PTBP2: variants seen among roughly 807,000 people sequenced by gnomAD.
PTBP2 encodes the protein polypyrimidine tract binding protein 2, also known as polypyrimidine tract-binding protein 2.
A neutral mutation model predicts 61.4 loss-of-function variants in PTBP2; 13 were observed. The ratio of observed to expected loss-of-function variants is 0.21; its 90% CI spans 0.14 to 0.34. The LOEUF (loss-of-function observed/expected upper bound fraction) is 0.34, where lower values mean the gene tolerates loss of function less well. PTBP2 is among the 10% of genes least tolerant of loss of function. The pLI is 1.00. For missense variants in PTBP2, 405 were observed against 642.6 expected, an observed-to-expected ratio of 0.63 and a Z score of 4.00; for synonymous variants, 215 against 218.5, an observed-to-expected ratio of 0.98 and a Z score of 0.14.
At chr1:96,786,891 G>C (rs1234579408) in intron 8 of PTBP2, among the ~76,000 whole-genome samples, 2 of 152,244 alleles carry the variant, frequency 1.3e-5, no homozygotes, top group East Asian at 3.9e-4. Flanking sequence ...TGCCCATCTG[G>C]ATATACTTAG....
chr1:96,765,935 G>T (rs936066438), intron 3 of PTBP2, among the ~76,000 whole-genome samples: 2 of 152,168 alleles, frequency 1.3e-5, no homozygotes, highest in Non-Finnish European at 2.9e-5. Flanking sequence ...TGCTATTAGA[G>T]AAATTCAGTG....
At chr1:96,767,825 T>G (rs1412331446) in intron 3 of PTBP2, among the ~76,000 whole-genome samples, 1 of 152,100 alleles carries the variant, frequency 6.6e-6, no homozygotes, top group East Asian at 1.9e-4. Context: ...TTGTCAGTAG[T>G]GAAAGGACAT....
intron 8 of PTBP2, among the ~76,000 whole-genome samples, chr1:96,797,942 G>C (rs977257328): frequency 2.0e-5 from 3 of 152,120 alleles, no homozygotes; most frequent in Non-Finnish European, 4.4e-5. Context: ...TGGGTGTGGT[G>C]GTGGGTGCCT....
intron 7 of PTBP2, among the ~76,000 whole-genome samples, chr1:96,779,843 G>A (rs1658452680): frequency 6.6e-6 from 1 of 151,332 alleles, no homozygotes; most frequent in East Asian, 1.9e-4. Context: ...CTGCATCTGG[G>A]CTCTACTTAG....
At chr1:96,763,438 C>T (rs957337582) in intron 3 of PTBP2, among the ~76,000 whole-genome samples, 3 of 151,306 alleles carry the variant, frequency 2.0e-5, no homozygotes, top group East Asian at 2.0e-4. Context: ...ACCAGTCAGG[C>T]GTGGCGGCGC....
At chr1:96,773,992 A>G (rs1207661780) in intron 5 of PTBP2, among the ~76,000 whole-genome samples, 2 of 149,814 alleles carry the variant, frequency 1.3e-5, no homozygotes, top group Non-Finnish European at 3.0e-5. Context: ...AATTCCTGGT[A>G]CCAGCAGGGC....
At chr1:96,761,345 G>GGTGTGTGTGTGT (rs1557720471) in intron 3 of PTBP2, among the ~76,000 whole-genome samples, 4 of 80,854 alleles carry the variant, frequency 4.9e-5, no homozygotes, top group Middle Eastern at 5.9e-3. Flanking sequence ...TGTGGGATTT[G>GGTGTGTGTGTGT]ATGTGTGTGT....
chr1:96,781,133 T>TTA (rs1267894251), intron 7 of PTBP2, among the ~76,000 whole-genome samples: 1 of 152,070 alleles, frequency 6.6e-6, no homozygotes, highest in African/African-American at 2.4e-5. Context: ...CACAGACTTC[T>TTA]TATATTCATG....
chr1:96,780,545 A>G (rs945425083), intron 7 of PTBP2, among the ~76,000 whole-genome samples: 7 of 152,012 alleles, frequency 4.6e-5, no homozygotes, highest in Admixed American at 6.6e-5. Flanking sequence ...GTCTTACTTA[A>G]TACCTAGATA....
intron 7 of PTBP2, chr1:96,784,809 T>G: frequency 2.8e-6 from 1 of 362,842 alleles, no homozygotes; most frequent in Non-Finnish European, 4.9e-6. Flanking sequence ...AAATTAAAAG[T>G]ATTAGCATGG....
At chr1:96,723,955 T>C (rs1570672698) in intron 2 of PTBP2, among the ~76,000 whole-genome samples, 1 of 152,176 alleles carries the variant, frequency 6.6e-6, no homozygotes, top group East Asian at 1.9e-4. Context: ...TAATCTAAGT[T>C]TTTTGTTTTT....
chr1:96,812,851 T>C lies in PTBP2; in HGVS notation c.1311T>C (p.His437=). ...AAGATTTTGGTAATTCCCCATTGCA[T>C]CGTTTTAAGAAACCTGGATCCAAAA... ...LTKDFGNSPL[H]RFKKPGSKNF... is the part of the protein sequence containing the mutation. Residue 437 remains histidine (H), a synonymous_variant, in exon 12 of 14, where the codon CAT becomes CAC. Transcript: ENST00000674951. The C allele has an allele frequency of 6.2e-7, 1 of 1,613,938 alleles. No individual in the cohort carries two copies. The highest frequency in any genetic ancestry group is 8.5e-7 in the Non-Finnish European group (1 of 1,179,864).
At chr1:96,808,043 T>A (rs1661668982) in intron 11 of PTBP2, among the ~76,000 whole-genome samples, 2 of 152,080 alleles carry the variant, frequency 1.3e-5, no homozygotes, top group Non-Finnish European at 2.9e-5. Context: ...AAATATGTCA[T>A]TTTTTTCCCT....
intron 5 of PTBP2, among the ~76,000 whole-genome samples, chr1:96,776,315 A>G (rs955964899): frequency 2.0e-5 from 3 of 151,978 alleles, no homozygotes; most frequent in African/African-American, 7.2e-5. Context: ...AATTTTACCA[A>G]TTTACAATTA....
intron 2 of PTBP2, among the ~76,000 whole-genome samples, chr1:96,743,180 G>T (rs796153502): frequency 6.6e-6 from 1 of 151,916 alleles, no homozygotes; most frequent in African/African-American, 2.4e-5. Context: ...CCAGCTACTC[G>T]GGAGGCTGAG....
chr1:96,819,001 ATAGCT>A (rs1312334955), downstream of PTBP2: 1 of 152,082 alleles, frequency 6.6e-6, no homozygotes, highest in African/African-American at 2.4e-5. Context: ...GTACAAGTTG[ATAGCT>A]TATAATAGAA....
At chr1:96,770,965 G>A in intron 5 of PTBP2, 114 bp downstream of exon 5, 1 of 883,566 alleles carries the variant, frequency 1.1e-6, no homozygotes, top group Non-Finnish European at 1.7e-6. Flanking sequence ...GCATTTTCTT[G>A]TTATTTTTAA....
At chr1:96,801,910 C>T (rs1027209812) in intron 8 of PTBP2, among the ~76,000 whole-genome samples, 4 of 149,182 alleles carry the variant, frequency 2.7e-5, no homozygotes, top group African/African-American at 9.9e-5. Context: ...AAATGACAAC[C>T]ATTAATAGAA....
At chr1:96,766,207 G>A (rs1382786319) in intron 3 of PTBP2, among the ~76,000 whole-genome samples, 5 of 152,168 alleles carry the variant, frequency 3.3e-5, no homozygotes, top group African/African-American at 9.7e-5. Flanking sequence ...CTTTGAATCC[G>A]TGATTACATG....
Sources: gnomAD v4.1 joint callset for allele counts (sites outside exome capture counted in the v4.1 genomes callset) on GRCh38, gnomAD v4.1.1 for gene constraint, MANE v1.5 for transcripts, NCBI Gene and HGNC (gene_info 2026-07-23, HGNC 2026-07-21) for gene names.